The following TPM4 variants were observed in gnomAD, a reference collection of about 807,000 sequenced individuals.
TPM4 encodes the protein tropomyosin alpha-4 chain.
A neutral mutation model predicts 35.8 loss-of-function variants in TPM4; 17 were observed. The ratio of observed to expected loss-of-function variants is 0.47; its 90% CI spans 0.32 to 0.71. The LOEUF is 0.71. TPM4 is among the 30% of genes least tolerant of loss of function. The probability of loss-of-function intolerance (pLI) is 0.03; values close to 1 mark genes in which losing one functional copy is unlikely to be tolerated. For synonymous variants in TPM4, 120 were observed against 122.9 expected (o/e 0.98, Z 0.15); for missense variants, 240 against 320.9 (o/e 0.75, Z 1.93).
chr19:16,083,368 C>T (rs183531068), intron 2 of TPM4, among the ~76,000 whole-genome samples: 260 of 152,236 alleles, frequency 1.7e-3, no homozygotes, highest in African/African-American at 6.2e-3. Flanking sequence ...CCAGCTTGAA[C>T]CCAGGAGGCA....
chr19:16,077,406 C>G (rs1368877126), intron 1 of TPM4: 1 of 152,204 alleles, frequency 6.6e-6, no homozygotes, highest in Admixed American at 6.5e-5. Context: ...GGCGCGGGGC[C>G]CTGAACCCAC....
At chr19:16,068,560 TTG>T (rs1466775368) in intron 2 of TPM4, among the ~76,000 whole-genome samples, 4 of 152,072 alleles carry the variant, frequency 2.6e-5, no homozygotes, top group Admixed American at 6.6e-5. Context: ...GTTTGAGCAT[TTG>T]TGTCTGTGTG....
chr19:16,089,184 A>AT (rs1448315468), intron 5 of TPM4, 64 bp downstream of exon 5: 1 of 1,600,988 alleles, frequency 6.2e-7, no homozygotes, highest in African/African-American at 1.3e-5. Context: ...CTCCCGAGGG[A>AT]TGCAGGAGCC....
intron 5 of TPM4, among the ~76,000 whole-genome samples, chr19:16,090,535 GA>G (rs1568308817): frequency 6.6e-6 from 1 of 151,614 alleles, no homozygotes; most frequent in African/African-American, 2.4e-5. Flanking sequence ...ATTACTTTGG[GA>G]GGCCGCCGAG....
chr19:16,084,783 A>T (rs981949009), intron 2 of TPM4, among the ~76,000 whole-genome samples: 1 of 152,008 alleles, frequency 6.6e-6, no homozygotes, highest in Admixed American at 6.6e-5. Flanking sequence ...TGAGGGTGAG[A>T]CCTCGTACAG....
chr19:16,088,260 G>A (rs1283507040), intron 4 of TPM4, 163 bp downstream of exon 4: 64 of 1,403,166 alleles, frequency 4.6e-5, no homozygotes, highest in Non-Finnish European at 2.6e-5. Flanking sequence ...TGACAAAGAG[G>A]TGGTGACTTG....
chr19:16,089,086 A>T lies in TPM4; in HGVS notation c.497A>T (p.Asn166Ile). 1 of 1,614,066 alleles carries T rather than the reference A, an allele frequency of 6.2e-7. No homozygotes were observed. The change falls in exon 5 of 8, where the codon AAC becomes ATC. Residue 166 changes from asparagine to isoleucine, a missense_variant. By Grantham distance (149) the Asn-to-Ile change is moderately radical. Coordinates refer to ENST00000643579, the MANE Select transcript of TPM4 (RefSeq NM_003290.3). The part of the protein sequence containing the change: ...DLEEELKNVT[N>I]NLKSLEAASE... ...GAAGAAGAACTCAAGAATGTTACTA[A>T]CAATCTGAAATCTCTGGAGGCTGCA...
At chr19:16,068,133 G>A (rs1464405401) in intron 2 of TPM4, among the ~76,000 whole-genome samples, 1 of 151,410 alleles carries the variant, frequency 6.6e-6, no homozygotes, top group Admixed American at 6.6e-5. Flanking sequence ...GTGTACGTGT[G>A]TGCGTGTTTG....
chr19:16,089,106 G>A lies in TPM4; in HGVS notation c.517G>A (p.Ala173Thr). 6.2e-7 allele frequency: 1 copy of A among 1,613,778 alleles called. No individual in the cohort carries two copies. Among genetic ancestry groups the A allele is most frequent in the Non-Finnish European group, 8.5e-7 (1 of 1,179,990 alleles). ...NVTNNLKSLE[A>T]ASEKYSEKED... ...TACTAACAATCTGAAATCTCTGGAG[G>A]CTGCATCTGAAAAGGTAGGTGGTTG... The change falls in exon 5 of 8, where the codon GCT becomes ACT. Residue 173 changes from alanine (A) to threonine (T), a missense_variant. Coordinates refer to ENST00000643579, the MANE Select transcript of TPM4 (RefSeq NM_003290.3).
In TPM4 at chr19:16,088,105, G is replaced by T. The variant is rs1469164079; in HGVS notation, c.455+8G>T. The T allele has an allele frequency of 6.2e-7, 1 of 1,609,662 alleles. No individual in the cohort carries two copies. Among genetic ancestry groups the T allele is most frequent in the Non-Finnish European group, 8.5e-7 (1 of 1,178,494 alleles). On this transcript the variant is annotated splice_region_variant and intron_variant, in intron 4 of 7. Coordinates refer to ENST00000643579, the MANE Select transcript of TPM4 (RefSeq NM_003290.3). ...TGCGGAGGTGTCTGAACTGTGAGTG[G>T]CAGAACAGGACTGAGCGAGGCTGGC... is the stretch of plus-strand genomic sequence containing the variant.
chr19:16,072,431 C>G (rs1484801120), upstream of TPM4, among the ~76,000 whole-genome samples: 1 of 152,196 alleles, frequency 6.6e-6, no homozygotes, highest in Admixed American at 6.6e-5. Context: ...ACGGTAGATG[C>G]CCTCCCAGTG....
At chr19:16,082,311 C>T (rs997021379) in intron 2 of TPM4, among the ~76,000 whole-genome samples, 1 of 152,132 alleles carries the variant, frequency 6.6e-6, no homozygotes, top group Admixed American at 6.5e-5. Flanking sequence ...GAGTTTGAGA[C>T]CAGCCTGGCC....
rs73010977 is a variant in TPM4 at position 16,070,027 on chromosome 19, C to A, written c.114+2289C>A. ...GTGTGGTGGGGGCCCAGGGCTGTGACCTGCTGCAGGGGTGACTGGGTGGGG... is the reference window on the plus strand; with the variant it reads ...GTGTGGTGGGGGCCCAGGGCTGTGAACTGCTGCAGGGGTGACTGGGTGGGG... On this transcript the variant is annotated intron_variant, in intron 2 of 2. Coordinates refer to the TPM4 transcript ENST00000589897. This position sits in a 1 kb window ranked among gnomAD's most constrained non-coding sequence, Gnocchi z 7.4. Among the ~76,000 whole-genome samples, 29,321 of 151,822 alleles carry A rather than the reference C, an allele frequency of 0.19. 3,244 individuals carry two copies. The highest frequency in any genetic ancestry group is 0.25 in the Non-Finnish European group (16,699 of 67,888).
Position 16,067,913 on chromosome 19 carries a change from G to A in TPM4, c.114+175G>A, listed in dbSNP as rs764702459. 6.8e-6 allele frequency: 4 copies of A among 591,736 alleles called. No individual in the cohort carries two copies. Among genetic ancestry groups the A allele is most frequent in the Non-Finnish European group, 1.1e-5 (4 of 352,326 alleles). The allele number at this position is 591,736 out of a possible 1,614,324, so 36.7% of individuals were successfully genotyped here. ...CTTCCTTGGATGGGGTCCTGGGCTG[G>A]AAGAGGGGTGACGATCGGACCCACC... On this transcript the variant is annotated intron_variant, in intron 2 of 2. Coordinates refer to the TPM4 transcript ENST00000589897. This position sits in a 1 kb window ranked among gnomAD's most constrained non-coding sequence, Gnocchi z 4.1.
chr19:16,076,148 GC>G, upstream of TPM4: 3 of 1,567,700 alleles, frequency 1.9e-6, no homozygotes, highest in Non-Finnish European at 2.6e-6. Context: ...AGAAGCTGGA[GC>G]TCACGGAGAA....
At position 16,089,051 on chromosome 19, in the gene TPM4, T is replaced by G. The variant is rs745899173; in HGVS notation, c.462T>G (p.Cys154Trp). The G allele has an allele frequency of 5.0e-6, 8 of 1,613,992 alleles. No homozygotes were observed. The highest frequency in any genetic ancestry group is 1.7e-5 in the Admixed American group (1 of 59,984). ...EERAEVSELK[C>W]GDLEEELKNV... ...ATCCTTTGTCTTTGTGCAGAAAATG[T>G]GGTGACCTGGAAGAAGAACTCAAGA... The change falls in exon 5 of 8, where the codon TGT (cysteine) becomes TGG (tryptophan). Residue 154 changes from cysteine to tryptophan, a missense_variant. Coordinates refer to ENST00000643579, the MANE Select transcript of TPM4 (RefSeq NM_003290.3).
upstream of TPM4, among the ~76,000 whole-genome samples, chr19:16,071,690 G>A (rs1331732778): frequency 2.0e-5 from 3 of 152,350 alleles, no homozygotes; most frequent in East Asian, 5.8e-4. Flanking sequence ...TAGAGCGCCT[G>A]ACGCTGCAGG....
intron 1 of TPM4, among the ~76,000 whole-genome samples, chr19:16,080,618 C>T (rs1599367720): frequency 6.6e-6 from 1 of 152,124 alleles, no homozygotes; most frequent in Non-Finnish European, 1.5e-5. Flanking sequence ...TGAGACCAGC[C>T]TGACCAACAA....
rs957551919 is a variant in TPM4 at position 16,070,654 on chromosome 19, C to G, written c.114+2916C>G. 6.6e-6 allele frequency among the ~76,000 whole-genome samples: 1 copy of G among 152,190 alleles called. No homozygotes were observed. Among genetic ancestry groups the G allele is most frequent in the Non-Finnish European group, 1.5e-5 (1 of 68,026 alleles). On this transcript the variant is annotated intron_variant, in intron 2 of 2. Transcript: ENST00000589897. This position sits in a 1 kb window ranked among gnomAD's most constrained non-coding sequence, Gnocchi z 7.4. ...CATGACAGGATTAGAGGTGACTGTACAGGTGGAACCCTTGGCCCGGAGCCT... is the reference window on the plus strand; with the variant it reads ...CATGACAGGATTAGAGGTGACTGTAGAGGTGGAACCCTTGGCCCGGAGCCT...
Sources: gnomAD v4.1 joint callset for allele counts (sites outside exome capture counted in the v4.1 genomes callset) on GRCh38, gnomAD v4.1.1 for gene constraint, Gnocchi (gnomAD v3.1) non-coding constraint, MANE v1.5 for transcripts, NCBI Gene and HGNC (gene_info 2026-07-23, HGNC 2026-07-21) for gene names.